The following DENND1B variants were observed in gnomAD, a reference collection of about 807,000 sequenced individuals.
DENND1B encodes DENN domain-containing protein 1B.
A neutral mutation model predicts 90.1 loss-of-function variants in DENND1B; 59 were observed. The observed-to-expected ratio is 0.65, with a 90% confidence interval of 0.53 to 0.81. The LOEUF (loss-of-function observed/expected upper bound fraction) is 0.81, where lower values mean the gene tolerates loss of function less well. DENND1B is among the 40% of genes least tolerant of loss of function. The pLI, the probability that DENND1B is intolerant of heterozygous loss-of-function variation, is 0.00. For synonymous variants in DENND1B, 337 were observed against 324.6 expected (o/e 1.04, Z -0.41); for missense variants, 862 against 912.6 (o/e 0.94, Z 0.71).
intron 2 of DENND1B, among the ~76,000 whole-genome samples, chr1:197,720,569 A>G (rs111289046): frequency 4.1e-4 from 2 of 4,930 alleles, no homozygotes; most frequent in African/African-American, 2.3e-3. Flanking sequence ...CAGCCTGATT[A>G]AAAAAAACGG....
intron 18 of DENND1B, among the ~76,000 whole-genome samples, chr1:197,541,984 G>A (rs2125658142): frequency 6.6e-6 from 1 of 152,254 alleles, no homozygotes; most frequent in South Asian, 2.1e-4. Flanking sequence ...ATAGTGCACT[G>A]ATTCATTAAA....
rs146309214 is a variant in DENND1B, at chr1:197,523,041, C to T, written c.1516-10088G>A. Among the ~76,000 whole-genome samples, 1,316 of 152,166 alleles carry T rather than the reference C, an allele frequency of 8.6e-3. 9 individuals are homozygous for T. Among genetic ancestry groups the T allele is most frequent in the African/African-American group, 0.029 (1,215 of 41,512 alleles). Reference sequence around the variant, plus strand: ...TCCAATTGAGGTAACTCTACTACCTCGTGCTCATAAGAAAAATTGGGAGCA... The same window carrying T: ...TCCAATTGAGGTAACTCTACTACCTTGTGCTCATAAGAAAAATTGGGAGCA... On this transcript the variant is annotated intron_variant, in intron 20 of 22. Transcript: ENST00000620048.
intron 7 of DENND1B, among the ~76,000 whole-genome samples, chr1:197,647,599 G>A (rs1680842139): frequency 6.6e-6 from 1 of 152,114 alleles, no homozygotes; most frequent in South Asian, 2.1e-4. Flanking sequence ...GAAATCAAAT[G>A]CAATTAATAA....
intron 20 of DENND1B, among the ~76,000 whole-genome samples, chr1:197,529,116 A>C (rs1324581407): frequency 6.7e-6 from 1 of 149,180 alleles, no homozygotes; most frequent in Non-Finnish European, 1.5e-5. Context: ...CTTTCCACTC[A>C]TTTTCTCATG....
intron 3 of DENND1B, among the ~76,000 whole-genome samples, chr1:197,706,712 A>C (rs955037718): frequency 2.4e-4 from 37 of 152,172 alleles, no homozygotes; most frequent in Middle Eastern, 3.2e-3. Context: ...ATGCAAATCA[A>C]AACCACAAAG....
At chr1:197,781,189 C>T in the DENND1B span, among the ~76,000 whole-genome samples, 1 of 152,052 alleles carries the variant, frequency 6.6e-6, no homozygotes, top group African/African-American at 2.4e-5. Flanking sequence ...TAAATTAACT[C>T]GACTAGACTC....
At chr1:197,768,806 C>G (rs1006223519) in intron 2 of DENND1B, among the ~76,000 whole-genome samples, 4 of 151,256 alleles carry the variant, frequency 2.6e-5, no homozygotes, top group African/African-American at 9.7e-5. Context: ...ATTTGTAGAG[C>G]ACTCCATATG....
At chr1:197,751,939 A>AAGG (rs892502706) in intron 2 of DENND1B, among the ~76,000 whole-genome samples, 5 of 133,802 alleles carry the variant, frequency 3.7e-5, no homozygotes, top group Non-Finnish European at 8.0e-5. Flanking sequence ...GAAAGAGAAG[A>AAGG]AGGAGGAGGA....
At chr1:197,754,892 T>C (rs914514175) in intron 2 of DENND1B, among the ~76,000 whole-genome samples, 1 of 152,146 alleles carries the variant, frequency 6.6e-6, no homozygotes, top group African/African-American at 2.4e-5. Context: ...AGAATTTTAG[T>C]CTCTTCATGT....
intron 3 of DENND1B, among the ~76,000 whole-genome samples, chr1:197,706,062 T>A (rs982593909): frequency 3.3e-5 from 5 of 152,206 alleles, no homozygotes; most frequent in African/African-American, 1.2e-4. Flanking sequence ...CAAAATCACA[T>A]GTCTGTAGGC....
intron 3 of DENND1B, among the ~76,000 whole-genome samples, chr1:197,684,613 T>C (rs74369600): frequency 0.025 from 3,759 of 152,232 alleles, 151 homozygotes; most frequent in African/African-American, 0.085. Context: ...GTGAGTCTTA[T>C]CTGCCATAGA....
chr1:197,594,018 A>G (rs1558283292), intron 14 of DENND1B, among the ~76,000 whole-genome samples: 1 of 152,154 alleles, frequency 6.6e-6, no homozygotes, highest in Non-Finnish European at 1.5e-5. Context: ...TGAGACCCTT[A>G]TAACTATGAA....
intron 14 of DENND1B, among the ~76,000 whole-genome samples, chr1:197,587,431 C>A (rs566158048): frequency 6.6e-6 from 1 of 151,962 alleles, no homozygotes; most frequent in Non-Finnish European, 1.5e-5. Context: ...GCAGTCATTT[C>A]GATGGAAAGC....
At chr1:197,559,845 T>C (rs541280882) in intron 15 of DENND1B, among the ~76,000 whole-genome samples, 52 of 152,092 alleles carry the variant, frequency 3.4e-4, no homozygotes, top group African/African-American at 1.2e-3. Context: ...ACCTGCTAAA[T>C]GCAAGCCATT....
intron 15 of DENND1B, among the ~76,000 whole-genome samples, chr1:197,555,510 G>GA (rs1256020215): frequency 2.6e-5 from 4 of 151,678 alleles, no homozygotes; most frequent in Non-Finnish European, 4.4e-5. Flanking sequence ...AAACCAACAA[G>GA]AAAAAAACAA....
At chr1:197,654,953 A>C (rs913794023) in intron 6 of DENND1B, among the ~76,000 whole-genome samples, 1 of 152,224 alleles carries the variant, frequency 6.6e-6, no homozygotes, top group Admixed American at 6.5e-5. Context: ...AAGCTATATA[A>C]TTTTTAAAAA....
intron 20 of DENND1B, among the ~76,000 whole-genome samples, chr1:197,526,391 C>A (rs1669131615): frequency 6.6e-6 from 1 of 151,836 alleles, no homozygotes. Flanking sequence ...GAATAGAGAA[C>A]TGTTGTTAAT....
At chr1:197,544,563 G>A (rs960436094) in intron 18 of DENND1B, among the ~76,000 whole-genome samples, 4 of 151,882 alleles carry the variant, frequency 2.6e-5, no homozygotes, top group African/African-American at 9.7e-5. Flanking sequence ...TTTTCTGCAA[G>A]TCTTACAGCA....
rs181484896 is a variant in DENND1B at position 197,768,641 on chromosome 1, G to T, written c.82+4227C>A. 9.9e-5 allele frequency among the ~76,000 whole-genome samples: 15 copies of T among 151,992 alleles called. No individual in the cohort carries two copies. The East Asian group carries it at 2.9e-3, about 29-fold the overall frequency. ...GGCACTTCACTTTTGGACAGCTGGAGCAGAAGTTACTGGGAGGTTGTTCTG... is the reference window on the plus strand; with the variant it reads ...GGCACTTCACTTTTGGACAGCTGGATCAGAAGTTACTGGGAGGTTGTTCTG... On this transcript the variant is annotated intron_variant, in intron 2 of 22. Transcript: ENST00000620048.
Sources: gnomAD v4.1 joint callset for allele counts (sites outside exome capture counted in the v4.1 genomes callset) on GRCh38, gnomAD v4.1.1 for gene constraint, MANE v1.5 for transcripts, NCBI Gene and HGNC (gene_info 2026-07-23, HGNC 2026-07-21) for gene names.